The following FSTL1 variants were observed in gnomAD, a reference collection of about 807,000 sequenced individuals.
The protein encoded by FSTL1 is follistatin like 1, also known as follistatin-related protein 1.
FSTL1 carries 24 observed loss-of-function variants against 45.9 expected under a neutral mutation model. The observed-to-expected ratio is 0.52, with a 90% CI of 0.38 to 0.74. FSTL1 has a LOEUF of 0.74. Among genes scored for constraint, FSTL1 ranks in the 30% least tolerant of loss-of-function variants. FSTL1 has a pLI of 0.00. For missense variants in FSTL1, 340 were observed against 381.8 expected, an observed-to-expected ratio of 0.89 and a Z score of 0.91; for synonymous variants, 120 against 137.6, an observed-to-expected ratio of 0.87 and a Z score of 0.89.
chr3:120,402,018 C>T (rs1368595092), intron 9 of FSTL1, among the ~76,000 whole-genome samples: 7 of 152,140 alleles, frequency 4.6e-5, no homozygotes, highest in Non-Finnish European at 8.8e-5. Context: ...TGCTAGGGCT[C>T]GGCTTTAAGA....
rs186139970 is a variant in FSTL1, at chr3:120,393,523, G to T, written c.*3429C>A. On this transcript the variant is annotated 3_prime_UTR_variant, in exon 11 of 11. Transcript: ENST00000295633. ...ATTAAGGTTATTTAGCCTGTCCCTGGCAATGATTCCATGTTCCCTGTACTA... is the reference window on the plus strand; with the variant it reads ...ATTAAGGTTATTTAGCCTGTCCCTGTCAATGATTCCATGTTCCCTGTACTA... 2 of 152,130 alleles carry T rather than the reference G, an allele frequency of 1.3e-5. No individual in the cohort carries two copies. Among genetic ancestry groups the T allele is most frequent in the Admixed American group, 6.5e-5 (1 of 15,296 alleles). 9.4% of individuals were successfully genotyped at this position (152,130 alleles called of 1,614,324 possible).
intron 6 of FSTL1, among the ~76,000 whole-genome samples, chr3:120,405,216 G>C (rs751391730): frequency 2.0e-5 from 3 of 152,148 alleles, no homozygotes; most frequent in Non-Finnish European, 4.4e-5. Flanking sequence ...GGCCTCTGGG[G>C]TCCCTAAGCA....
intron 2 of FSTL1, among the ~76,000 whole-genome samples, chr3:120,444,213 C>T (rs1398052162): frequency 6.7e-6 from 1 of 149,794 alleles, no homozygotes; most frequent in Admixed American, 6.6e-5. Context: ...CAGTTTCATA[C>T]AGTCCCAAAC....
At chr3:120,404,998 AG>A in intron 6 of FSTL1, 27 bp from the exon 7 acceptor site, 1 of 1,198,200 alleles carries the variant, frequency 8.3e-7, no homozygotes, top group Non-Finnish European at 1.3e-6. Flanking sequence ...AAGATCGTTC[AG>A]GGATGTTTTG....
At chr3:120,430,725 T>C (rs28439929) in intron 2 of FSTL1, among the ~76,000 whole-genome samples, 66,106 of 152,040 alleles carry the variant, frequency 0.43, 14,490 homozygotes, top group East Asian at 0.59. Flanking sequence ...ATCAAAAACA[T>C]ACCAAACATC....
chr3:120,411,132 T>C (rs1937042924), intron 4 of FSTL1, 148 bp from the exon 5 acceptor site: 2 of 592,106 alleles, frequency 3.4e-6, no homozygotes, highest in South Asian at 4.1e-5. Context: ...CTTCCTTTCC[T>C]TCTTCTAGGG....
chr3:120,407,261 A>C (rs1936964638), intron 6 of FSTL1, among the ~76,000 whole-genome samples: 1 of 152,216 alleles, frequency 6.6e-6, no homozygotes, highest in African/African-American at 2.4e-5. Flanking sequence ...TGAGACAGGC[A>C]CTTGCTTGTG....
intron 2 of FSTL1, among the ~76,000 whole-genome samples, chr3:120,427,325 G>A (rs1451045537): frequency 6.6e-6 from 1 of 152,132 alleles, no homozygotes; most frequent in Non-Finnish European, 1.5e-5. Context: ...AAACAGAACT[G>A]ACTGTGTGGA....
Position 120,395,364 on chromosome 3 carries a change from A to G in FSTL1, c.*1588T>C. 1 of 306,990 alleles carries G rather than the reference A, an allele frequency of 3.3e-6. No individual in the cohort carries two copies. Among genetic ancestry groups the G allele is most frequent in the Non-Finnish European group, 6.2e-6 (1 of 160,502 alleles). The allele number at this position is 306,990 out of a possible 1,614,324, so 19.0% of individuals were successfully genotyped here. A position where few individuals can be genotyped will look rare whatever the true frequency, so the allele number is the denominator to read the frequency against. ...CACAGAAGTCGAAAGACACAGGACT[A>G]ACTGTAAATGACTGACCTCCCCAAG... On this transcript the variant is annotated 3_prime_UTR_variant, in exon 11 of 11. Coordinates refer to ENST00000295633, the MANE Select transcript of FSTL1 (RefSeq NM_007085.5).
chr3:120,440,928 G>C (rs991393693), intron 2 of FSTL1, among the ~76,000 whole-genome samples: 2 of 152,240 alleles, frequency 1.3e-5, no homozygotes, highest in Non-Finnish European at 2.9e-5. Flanking sequence ...TCCAGGGCCA[G>C]GAAGGGGTGG....
At chr3:120,449,073 G>A (rs994878413) in intron 2 of FSTL1, among the ~76,000 whole-genome samples, 1 of 152,194 alleles carries the variant, frequency 6.6e-6, no homozygotes, top group Non-Finnish European at 1.5e-5. Context: ...AGCCAGTGAA[G>A]GGGGATACGC....
chr3:120,413,243 C>T (rs1254205977), intron 3 of FSTL1, among the ~76,000 whole-genome samples: 1 of 152,118 alleles, frequency 6.6e-6, no homozygotes, highest in African/African-American at 2.4e-5. Flanking sequence ...GGATGGCAGC[C>T]CAACCTTTCC....
At chr3:120,417,639 C>T (rs1019609854) in intron 2 of FSTL1, among the ~76,000 whole-genome samples, 5 of 152,182 alleles carry the variant, frequency 3.3e-5, no homozygotes, top group African/African-American at 1.2e-4. Context: ...ATTCTCCAGG[C>T]AGGGCCCTCT....
chr3:120,400,065 G>A lies in FSTL1; in HGVS notation c.806-106C>T, dbSNP rs547070519. 60 of 765,786 alleles carry A rather than the reference G, an allele frequency of 7.8e-5. 1 individual carries two copies. The South Asian group carries it at 9.1e-4, about 12-fold the overall frequency. The allele number at this position is 765,786 out of a possible 1,614,324, so 47.4% of individuals were successfully genotyped here. A position where few individuals can be genotyped will look rare whatever the true frequency, so the allele number is the denominator to read the frequency against. ...TCAATTCATCTCCCATTTAACTTGT[G>A]GAAGGAGAGGTGAATTACCCACATT... On this transcript the variant is annotated intron_variant, in intron 9 of 10. Coordinates refer to ENST00000295633, the MANE Select transcript of FSTL1 (RefSeq NM_007085.5).
Position 120,399,888 on chromosome 3 carries a change from G to GT in FSTL1, c.876_877insA (p.His293ThrfsTer6), listed in dbSNP as rs1349341129. On this transcript the variant is annotated frameshift_variant, in exon 10 of 11. Transcript: ENST00000295633. LOFTEE classifies it high-confidence loss of function. ...GCACGGAGGCTGCCACTCACCTGAT[G>GT]CTTTTGGAGCTCCTGGACATATCTG... 6.2e-7 allele frequency: 1 copy of GT among 1,601,752 alleles called. No individual in the cohort carries two copies. Among genetic ancestry groups the GT allele is most frequent in the African/African-American group, 1.3e-5 (1 of 74,766 alleles).
chr3:120,405,226 A>G (rs1359812887), intron 6 of FSTL1, among the ~76,000 whole-genome samples: 2 of 152,208 alleles, frequency 1.3e-5, no homozygotes, highest in East Asian at 3.9e-4. Context: ...GTCCCTAAGC[A>G]TGCTGTGTGG....
intron 3 of FSTL1, among the ~76,000 whole-genome samples, chr3:120,412,838 G>GCACGCACA (rs1553703002): frequency 9.4e-6 from 1 of 106,132 alleles, no homozygotes; most frequent in Non-Finnish European, 2.1e-5. Context: ...GCGCGCGCGC[G>GCACGCACA]CACACACACA....
At chr3:120,415,421 G>C (rs1937170496) in intron 3 of FSTL1, among the ~76,000 whole-genome samples, 2 of 152,158 alleles carry the variant, frequency 1.3e-5, no homozygotes, top group South Asian at 4.1e-4. Flanking sequence ...GATCTAGAGG[G>C]TTGTCCCTGA....
rs1029050348 is a variant in FSTL1, at chr3:120,444,279, G to A, written c.63+6405C>T. Among the ~76,000 whole-genome samples the A allele has an allele frequency of 4.2e-4, 63 of 149,742 alleles. 12 individuals are homozygous for A. Among genetic ancestry groups the A allele is most frequent in the African/African-American group, 1.5e-3 (60 of 39,142 alleles). On this transcript the variant is annotated intron_variant, in intron 2 of 10. Coordinates refer to ENST00000295633, the MANE Select transcript of FSTL1 (RefSeq NM_007085.5). ...AAGATGTGTCAATGTTTGTCAAATT[G>A]GACTGATTTACCATCCAGCAGGGAT... is the stretch of plus-strand genomic sequence containing the variant.
Sources: gnomAD v4.1 joint callset for allele counts (sites outside exome capture counted in the v4.1 genomes callset) on GRCh38, gnomAD v4.1.1 for gene constraint, MANE v1.5 for transcripts, NCBI Gene and HGNC (gene_info 2026-07-23, HGNC 2026-07-21) for gene names.